CFAP92: variants seen among roughly 807,000 people sequenced by gnomAD.
CFAP92 encodes the protein cilia and flagella associated protein 92 (putative), also known as uncharacterized protein CFAP92.
A neutral mutation model predicts 106.3 loss-of-function variants in CFAP92; 86 were observed. The observed-to-expected ratio is 0.81, with a 90% confidence interval of 0.68 to 0.97. The LOEUF is 0.97. CFAP92 is among the 50% of genes least tolerant of loss of function. CFAP92 has a pLI of 0.00. For missense variants in CFAP92, 1,204 were observed against 1,283.8 expected, an observed-to-expected ratio of 0.94 and a Z score of 0.95; for synonymous variants, 477 against 506.4, an observed-to-expected ratio of 0.94 and a Z score of 0.78.
intron 9 of CFAP92, among the ~76,000 whole-genome samples, chr3:128,961,667 A>G (rs1347292353): frequency 6.6e-6 from 1 of 152,166 alleles, no homozygotes; most frequent in Non-Finnish European, 1.5e-5. Flanking sequence ...AGTTCATGGC[A>G]GCAACCCTGA....
chr3:128,995,092 T>G (rs974583964), upstream of CFAP92, among the ~76,000 whole-genome samples: 4 of 152,170 alleles, frequency 2.6e-5, no homozygotes, highest in African/African-American at 9.7e-5. Context: ...AGTCAGTTTG[T>G]TCAAGAGAAT....
intron 10 of CFAP92, among the ~76,000 whole-genome samples, chr3:128,936,048 A>T: frequency 6.6e-6 from 1 of 151,328 alleles, no homozygotes; most frequent in South Asian, 2.1e-4. Context: ...TGCCTGTCTC[A>T]CCCCCCTTCC....
At chr3:128,936,438 T>C (rs1939031217) in intron 10 of CFAP92, among the ~76,000 whole-genome samples, 1 of 152,234 alleles carries the variant, frequency 6.6e-6, no homozygotes, top group Admixed American at 6.5e-5. Context: ...TTCATGACTT[T>C]TATGGTGTTG....
intron 8 of CFAP92, chr3:128,970,619 ATATT>A (rs1559913314): frequency 6.6e-6 from 1 of 152,294 alleles, no homozygotes; most frequent in Non-Finnish European, 1.5e-5. Flanking sequence ...TATTGATATA[ATATT>A]TAGTTATGAT....
chr3:128,965,683 A>G lies in CFAP92; in HGVS notation c.1181T>C (p.Val394Ala). The G allele has an allele frequency of 2.5e-6, 1 of 398,854 alleles. No homozygotes were observed. The highest frequency in any genetic ancestry group is 4.4e-6 in the Non-Finnish European group (1 of 226,038). The allele number at this position is 398,854 out of a possible 1,614,324, so 24.7% of individuals were successfully genotyped here. The part of the protein sequence containing the change: ...VMPLLAGWQT[V>A]VSRGSEKSAN... ...AGACTTCTCACTGCCACGACTCACG[A>G]CAGTTTGCCATCCTGGGGGAAATAC... The change falls in exon 9 of 16, where the codon GTC becomes GCC. Residue 394 changes from valine (V) to alanine (A), a missense_variant. Physicochemically the swap from Val to Ala is moderately conservative, Grantham distance 64. Transcript: ENST00000645291.
upstream of CFAP92, among the ~76,000 whole-genome samples, chr3:128,995,301 C>T (rs541100563): frequency 3.3e-5 from 5 of 152,286 alleles, no homozygotes; most frequent in East Asian, 9.6e-4. Flanking sequence ...CAATACTCCT[C>T]GGGTTCAGTC....
chr3:128,989,030 C>T (rs1576642128), intron 2 of CFAP92, 112 bp from the exon 3 acceptor site: 2 of 795,892 alleles, frequency 2.5e-6, no homozygotes. Flanking sequence ...TCCACATTGC[C>T]TGCCCGACTT....
rs974382237 is a variant in CFAP92, at chr3:128,975,691, C to T, written c.1021+88G>A. 359 of 1,120,942 alleles carry T rather than the reference C, an allele frequency of 3.2e-4. 1 individual carries two copies. The highest frequency in any genetic ancestry group is 4.2e-4 in the Non-Finnish European group (340 of 805,752). The allele number at this position is 1,120,942 out of a possible 1,614,324, so 69.4% of individuals were successfully genotyped here. ...AACATTTTGTCAAATATGCAAGAAT[C>T]TCATTGAAGTATCCTGAATTTAAAA... On this transcript the variant is annotated intron_variant, in intron 7 of 15. Coordinates refer to ENST00000645291, the MANE Select transcript of CFAP92 (RefSeq NM_001394090.1).
At chr3:129,015,745 G>T in the CFAP92 span, among the ~76,000 whole-genome samples, 1 of 151,896 alleles carries the variant, frequency 6.6e-6, no homozygotes, top group African/African-American at 2.4e-5. Flanking sequence ...CACCCCTTGT[G>T]ATTTATTTTC....
At chr3:128,979,089 T>C (rs553551509) in intron 4 of CFAP92, among the ~76,000 whole-genome samples, 50 of 151,928 alleles carry the variant, frequency 3.3e-4, no homozygotes, top group African/African-American at 1.2e-3. Context: ...TACAAAGAAC[T>C]CAAACAAATT....
At position 128,935,433 on chromosome 3, in the gene CFAP92, C is replaced by T. The variant is rs147668434; in HGVS notation, c.2259-114G>A. 6.1e-5 allele frequency: 39 copies of T among 642,432 alleles called. No individual in the cohort carries two copies. In the East Asian group the frequency reaches 1.1e-3, roughly 18 times the overall value. The allele number at this position is 642,432 out of a possible 1,614,324, so 39.8% of individuals were successfully genotyped here. A position where few individuals can be genotyped will look rare whatever the true frequency, so the allele number is the denominator to read the frequency against. On this transcript the variant is annotated intron_variant, in intron 10 of 15. Transcript: ENST00000645291. The stretch of plus-strand genomic sequence containing the variant: ...GTTATTTAAAAACAAACCCAGGGGC[C>T]GGGTATGGTGACTCACGCCTATAAT...
chr3:128,947,835 CAAAA>C, intron 9 of CFAP92, among the ~76,000 whole-genome samples: 1 of 148,626 alleles, frequency 6.7e-6, no homozygotes, highest in South Asian at 2.1e-4. Flanking sequence ...GATTCTGTCT[CAAAA>C]AAGAAAAAAA....
At chr3:129,008,917 G>T in the CFAP92 span, among the ~76,000 whole-genome samples, 9 of 150,788 alleles carry the variant, frequency 6.0e-5, no homozygotes, top group Non-Finnish European at 1.3e-4. Context: ...TGTCTGAGAT[G>T]AGAAACTCAG....
At chr3:128,921,416 G>A (rs753037480) in intron 12 of CFAP92, among the ~76,000 whole-genome samples, 1 of 152,248 alleles carries the variant, frequency 6.6e-6, no homozygotes, top group African/African-American at 2.4e-5. Context: ...TGCTAATGCA[G>A]TGTCAAACTG....
At chr3:128,958,004 A>G (rs1010066572) in intron 9 of CFAP92, among the ~76,000 whole-genome samples, 1 of 151,898 alleles carries the variant, frequency 6.6e-6, no homozygotes, top group African/African-American at 2.4e-5. Flanking sequence ...GGCAGCATCC[A>G]CTTTCCATGT....
upstream of CFAP92, chr3:128,994,151 G>A (rs1168486867): frequency 1.0e-6 from 1 of 985,554 alleles, no homozygotes; most frequent in Non-Finnish European, 1.2e-6. Context: ...GCTAGGAGAC[G>A]CGAGGGCGTG....
intron 4 of CFAP92, among the ~76,000 whole-genome samples, chr3:128,980,766 G>A (rs943014476): frequency 3.9e-5 from 6 of 152,138 alleles, no homozygotes; most frequent in African/African-American, 1.4e-4. Context: ...TCCCTAAGAA[G>A]CAACTCCTCA....
intron 7 of CFAP92, among the ~76,000 whole-genome samples, chr3:128,974,827 AAAAAG>A (rs1943038891): frequency 6.6e-6 from 1 of 150,974 alleles, no homozygotes; most frequent in Non-Finnish European, 1.5e-5. Context: ...TCTCAGAAAA[AAAAAG>A]AAGAGAAGGC....
Position 128,909,977 on chromosome 3 carries a change from T to C in CFAP92, c.*322A>G. The C allele has an allele frequency of 6.2e-7, 1 of 1,608,288 alleles. No individual in the cohort carries two copies. Among genetic ancestry groups the C allele is most frequent in the South Asian group, 1.1e-5 (1 of 89,486 alleles). On this transcript the variant is annotated 3_prime_UTR_variant, in exon 16 of 16. Coordinates refer to ENST00000645291, the MANE Select transcript of CFAP92 (RefSeq NM_001394090.1). The stretch of plus-strand genomic sequence containing the variant: ...CCCAGGGAGGGACCATGTGGGGGAC[T>C]GGTCTAGGTAGTGAGTCCCCACTTG...
Sources: allele counts gnomAD v4.1 joint callset (sites outside exome capture counted in the v4.1 genomes callset), GRCh38; gene constraint gnomAD v4.1.1; transcripts MANE v1.5; gene names NCBI Gene and HGNC (gene_info 2026-07-23, HGNC 2026-07-21).